SPAG17: variants seen among roughly 807,000 people sequenced by gnomAD.
The protein encoded by SPAG17 is sperm associated antigen 17.
A neutral mutation model predicts 273.6 loss-of-function variants in SPAG17; 169 were observed. The observed-to-expected ratio is 0.62, with a 90% CI of 0.55 to 0.70. The LOEUF (loss-of-function observed/expected upper bound fraction) is 0.70, where lower values mean the gene tolerates loss of function less well. Ranked by LOEUF, SPAG17 falls within the 30% of genes least tolerant of loss-of-function variation. SPAG17 has a pLI of 0.00. For synonymous variants in SPAG17, 825 were observed against 873.2 expected (o/e 0.94, Z 0.97); for missense variants, 2,557 against 2,627.8 (o/e 0.97, Z 0.59).
chr1:117,994,279 A>G, intron 35 of SPAG17, 127 bp downstream of exon 35: 1 of 1,001,048 alleles, frequency 1.0e-6, no homozygotes, highest in Non-Finnish European at 1.4e-6. Flanking sequence ...AAACTCCTTG[A>G]GCACATTAAA....
At chr1:118,050,747 G>T (rs1650908000) in intron 20 of SPAG17, among the ~76,000 whole-genome samples, 1 of 152,102 alleles carries the variant, frequency 6.6e-6, no homozygotes, top group Admixed American at 6.6e-5. Flanking sequence ...ACACAAAATG[G>T]ATTAAAGACT....
At chr1:118,103,719 G>T (rs769118100) in intron 4 of SPAG17, among the ~76,000 whole-genome samples, 12 of 152,060 alleles carry the variant, frequency 7.9e-5, no homozygotes, top group Admixed American at 7.9e-4. Context: ...ACCCAGTGTC[G>T]TTATAGAAAC....
chr1:118,135,279 G>C (rs1658275529), intron 3 of SPAG17, among the ~76,000 whole-genome samples: 1 of 152,032 alleles, frequency 6.6e-6, no homozygotes, highest in Non-Finnish European at 1.5e-5. Context: ...AAAGTGTCTG[G>C]TGTCATGGGA....
intron 32 of SPAG17, among the ~76,000 whole-genome samples, chr1:118,005,010 C>G (rs1056732077): frequency 6.6e-6 from 1 of 152,208 alleles, no homozygotes. Flanking sequence ...TTCAACCCTA[C>G]TGTATCCTTC....
chr1:118,041,536 T>C (rs1486031398), intron 21 of SPAG17, among the ~76,000 whole-genome samples: 1 of 152,102 alleles, frequency 6.6e-6, no homozygotes, highest in Non-Finnish European at 1.5e-5. Flanking sequence ...AGAATGCTTT[T>C]GTGTCAAATT....
At chr1:117,991,939 T>C (rs1657140156) in intron 36 of SPAG17, among the ~76,000 whole-genome samples, 1 of 152,228 alleles carries the variant, frequency 6.6e-6, no homozygotes, top group East Asian at 1.9e-4. Flanking sequence ...TTTATTTTTT[T>C]CATAAGTATT....
chr1:118,148,951 C>A (rs941236378), intron 3 of SPAG17, among the ~76,000 whole-genome samples: 1 of 152,168 alleles, frequency 6.6e-6, no homozygotes, highest in Non-Finnish European at 1.5e-5. Flanking sequence ...TCCAGATGTG[C>A]AACCTGTCCT....
intron 26 of SPAG17, among the ~76,000 whole-genome samples, chr1:118,026,562 T>C (rs1209800306): frequency 6.6e-6 from 1 of 152,214 alleles, no homozygotes. Context: ...TATCTTTTAT[T>C]GAGTCTGCCT....
chr1:118,025,721 G>A (rs1406500335), intron 26 of SPAG17, among the ~76,000 whole-genome samples: 1 of 152,000 alleles, frequency 6.6e-6, no homozygotes, highest in Non-Finnish European at 1.5e-5. Flanking sequence ...CAAACTCCTG[G>A]CCTCAAGCGA....
In SPAG17 at chr1:117,992,496, C is replaced by G. The variant is rs1380574497; in HGVS notation, c.5331G>C (p.Glu1777Asp). The change falls in exon 36 of 49, where the codon GAG becomes GAC. Residue 1777 changes from glutamate (E) to aspartate (D), a missense_variant. Transcript: ENST00000336338. ...GGGAAACCTGCAGCCTCAGTTTCAC[C>G]TCATTCTTTATGACCTCATGCTGAA... ...QFIQHEVIKN[E>D]VKLRLQVSLK... 18 of 1,611,860 alleles carry G rather than the reference C, an allele frequency of 1.1e-5. No individual in the cohort carries two copies. Among genetic ancestry groups the G allele is most frequent in the Non-Finnish European group, 1.5e-5 (18 of 1,179,208 alleles).
chr1:118,147,271 TTTG>T (rs368651176), intron 3 of SPAG17, among the ~76,000 whole-genome samples: 217 of 152,328 alleles, frequency 1.4e-3, no homozygotes, highest in African/African-American at 4.3e-3. Flanking sequence ...AACGAGTATG[TTTG>T]TTAATATTCG....
In SPAG17 at chr1:118,036,829, G is replaced by A; in HGVS notation, c.3374C>T (p.Thr1125Ile). Residue 1125 changes from threonine (T) to isoleucine (I), a missense_variant, in exon 24 of 49, where the codon ACC becomes ATC. Thr to Ile is a moderately conservative substitution (Grantham distance 89). Transcript: ENST00000336338. ...CGAGAGGCAGATTCCATTTTCTAAG[G>A]TGGCAGAAAAAGATCCAAACTTGCT... ...AFSKFGSFSA[T>I]LENGICLSIS... The A allele has an allele frequency of 3.2e-6, 5 of 1,561,926 alleles. No individual in the cohort carries two copies. The highest frequency in any genetic ancestry group is 4.3e-6 in the Non-Finnish European group (5 of 1,151,420).
At position 117,987,730 on chromosome 1, in the gene SPAG17, C is replaced by T. The variant is rs1656581819; in HGVS notation, c.5669+104G>A. The stretch of plus-strand genomic sequence containing the variant: ...TGGTAGACATGTTGCAGAAGAGAAT[C>T]AAATAACATCTGGGTGCCTGGCAGG... On this transcript the variant is annotated intron_variant, in intron 40 of 48. Coordinates refer to ENST00000336338, the MANE Select transcript of SPAG17 (RefSeq NM_206996.4). 24 of 1,130,404 alleles carry T rather than the reference C, an allele frequency of 2.1e-5. 1 individual carries two copies. The South Asian group carries it at 3.4e-4, about 16-fold the overall frequency. The allele number at this position is 1,130,404 out of a possible 1,614,324, so 70.0% of individuals were successfully genotyped here.
At chr1:118,145,777 G>C (rs1658950614) in intron 3 of SPAG17, among the ~76,000 whole-genome samples, 1 of 151,996 alleles carries the variant, frequency 6.6e-6, no homozygotes, top group South Asian at 2.1e-4. Context: ...TAATGTTTAG[G>C]ATAGTTCAAG....
intron 1 of SPAG17, 125 bp from the exon 2 acceptor site, chr1:118,151,494 G>T: frequency 1.1e-6 from 1 of 937,890 alleles, no homozygotes; most frequent in Non-Finnish European, 1.5e-6. Context: ...AGGTGACCTT[G>T]TAATGTATGT....
chr1:118,092,104 AT>A, intron 8 of SPAG17, 102 bp from the exon 9 acceptor site: 1 of 972,050 alleles, frequency 1.0e-6, no homozygotes, highest in Non-Finnish European at 1.6e-6. Context: ...CTCAGGTTGT[AT>A]AATTATGTTC....
At chr1:117,998,449 T>A (rs1191512452) in intron 32 of SPAG17, among the ~76,000 whole-genome samples, 1 of 152,140 alleles carries the variant, frequency 6.6e-6, no homozygotes, top group East Asian at 1.9e-4. Context: ...GCTATTTTGG[T>A]TATTGCAGCC....
chr1:117,981,165 T>C, intron 43 of SPAG17, 105 bp downstream of exon 43: 1 of 1,298,914 alleles, frequency 7.7e-7, no homozygotes, highest in Non-Finnish European at 1.0e-6. Context: ...CCCTCTCGAT[T>C]TTTTTCTGTA....
At chr1:118,180,577 TA>T (rs1660894356) in intron 1 of SPAG17, among the ~76,000 whole-genome samples, 2 of 152,158 alleles carry the variant, frequency 1.3e-5, no homozygotes, top group African/African-American at 4.8e-5. Flanking sequence ...TCAAAAAAGC[TA>T]GAAGAGAATA....
Sources: allele counts gnomAD v4.1 joint callset (sites outside exome capture counted in the v4.1 genomes callset), GRCh38; gene constraint gnomAD v4.1.1; transcripts MANE v1.5; gene names NCBI Gene and HGNC (gene_info 2026-07-23, HGNC 2026-07-21).